The following DAPK1 variants were observed in gnomAD, a reference collection of about 807,000 sequenced individuals.
DAPK1 encodes the protein death-associated protein kinase 1.
DAPK1 carries 56 observed loss-of-function variants against 144.9 expected under a neutral mutation model. That is an observed-to-expected ratio of 0.39 (90% CI 0.31 to 0.48). DAPK1 has a LOEUF of 0.48. Among genes scored for constraint, DAPK1 ranks in the 20% least tolerant of loss-of-function variants. DAPK1 has a pLI of 0.95. For synonymous variants in DAPK1, 690 were observed against 749.0 expected, an observed-to-expected ratio of 0.92 and a Z score of 1.29; for missense variants, 1,454 against 1,875.4, an observed-to-expected ratio of 0.78 and a Z score of 4.15.
intron 13 of DAPK1, among the ~76,000 whole-genome samples, chr9:87,646,832 C>G (rs1316191279): frequency 6.6e-6 from 1 of 152,168 alleles, no homozygotes; most frequent in Non-Finnish European, 1.5e-5. Flanking sequence ...CACATTTACT[C>G]AACAATGTTA....
chr9:87,699,297 G>A (rs1825378978), intron 23 of DAPK1, among the ~76,000 whole-genome samples: 1 of 152,152 alleles, frequency 6.6e-6, no homozygotes, highest in African/African-American at 2.4e-5. Flanking sequence ...TCTTTTAGCT[G>A]TTTAGATTTC....
chr9:87,515,055 T>C (rs1270919969), intron 2 of DAPK1, among the ~76,000 whole-genome samples: 1 of 152,224 alleles, frequency 6.6e-6, no homozygotes, highest in Non-Finnish European at 1.5e-5. Context: ...TCATGAATAA[T>C]GTATTTTACT....
At position 87,707,483 on chromosome 9, in the gene DAPK1, T is replaced by C. The variant is rs538544334; in HGVS notation, c.*119T>C. ...CTTCCTGCACCCACAGCCAGGGGGA[T>C]GCCACTCCTCCCTCCGGCTTGACCT... On this transcript the variant is annotated 3_prime_UTR_variant, in exon 26 of 26. Transcript: ENST00000408954. This position sits in a 1 kb window ranked among gnomAD's most constrained non-coding sequence, Gnocchi z 4.0. 1.2e-4 allele frequency: 79 copies of C among 668,918 alleles called. 1 individual carries two copies. In the African/African-American group the frequency reaches 1.3e-3, roughly 11 times the overall value. 41.4% of individuals were successfully genotyped at this position (668,918 alleles called of 1,614,324 possible). A position where few individuals can be genotyped will look rare whatever the true frequency, so the allele number is the denominator to read the frequency against.
intron 2 of DAPK1, chr9:87,525,406 T>C (rs867486511): frequency 8.1e-6 from 13 of 1,611,368 alleles, no homozygotes; most frequent in Non-Finnish European, 1.1e-5. Context: ...TCCGGAAATA[T>C]GGCCTCAATA....
chr9:87,581,595 T>G (rs1827755467), intron 2 of DAPK1, among the ~76,000 whole-genome samples: 1 of 152,242 alleles, frequency 6.6e-6, no homozygotes, highest in African/African-American at 2.4e-5. Flanking sequence ...GTAGCTCGTT[T>G]GGGTTGTAAA....
chr9:87,706,515 C>G lies in DAPK1; in HGVS notation c.3444C>G (p.Val1148=), dbSNP rs748723486. The G allele has an allele frequency of 6.2e-7, 1 of 1,614,132 alleles. No homozygotes were observed. Among genetic ancestry groups the G allele is most frequent in the Non-Finnish European group, 8.5e-7 (1 of 1,179,950 alleles). ...TPFPCGIFHK[V]QVNLCRWIHQ... ...TCCCATGTGGCATCTTTCACAAGGT[C>G]CAGGTGAACCTGTGCCGGTGGATCC... The change falls in exon 26 of 26, where the codon GTC becomes GTG. Residue 1148 remains valine (V), a synonymous_variant. Transcript: ENST00000408954. This position sits in a 1 kb window ranked among gnomAD's most constrained non-coding sequence, Gnocchi z 9.0.
intron 15 of DAPK1, among the ~76,000 whole-genome samples, chr9:87,649,551 T>C (rs1392008443): frequency 1.3e-5 from 2 of 152,224 alleles, no homozygotes; most frequent in Non-Finnish European, 2.9e-5. Flanking sequence ...GAGGCACTTA[T>C]TAGAAAGATG....
At chr9:87,554,375 T>C (rs979380635) in intron 2 of DAPK1, 12 of 152,200 alleles carry the variant, frequency 7.9e-5, no homozygotes, top group African/African-American at 2.7e-4. Context: ...TCGAGGCATG[T>C]TTTTAGCTGA....
chr9:87,626,436 A>G (rs1217336522), intron 3 of DAPK1, among the ~76,000 whole-genome samples: 2 of 113,500 alleles, frequency 1.8e-5, no homozygotes, highest in African/African-American at 8.2e-5. Context: ...AAACAAACAA[A>G]CAAAAAACAA....
intron 10 of DAPK1, among the ~76,000 whole-genome samples, chr9:87,642,820 T>C (rs546572174): frequency 6.6e-6 from 1 of 152,340 alleles, no homozygotes; most frequent in Admixed American, 6.5e-5. Flanking sequence ...AGAGCAACCA[T>C]TTCTCTTTCT....
chr9:87,632,408 G>A (rs1013211992), intron 3 of DAPK1: 2 of 983,990 alleles, frequency 2.0e-6, no homozygotes, highest in South Asian at 4.7e-5. Flanking sequence ...GGGTATACAT[G>A]TAGGGATGAA....
chr9:87,498,402 C>T (rs1229389386), intron 1 of DAPK1: 3 of 332,990 alleles, frequency 9.0e-6, no homozygotes, highest in Non-Finnish European at 1.6e-5. Context: ...CCCTTGCTCC[C>T]CCGGGCGGCC....
intron 2 of DAPK1, among the ~76,000 whole-genome samples, chr9:87,516,287 T>A (rs990307978): frequency 6.6e-6 from 1 of 152,148 alleles, no homozygotes; most frequent in African/African-American, 2.4e-5. Flanking sequence ...CTGTTGGGGC[T>A]CAAGAGCCAG....
At chr9:87,650,733 G>T (rs1194495956) in intron 16 of DAPK1, among the ~76,000 whole-genome samples, 1 of 152,124 alleles carries the variant, frequency 6.6e-6, no homozygotes, top group Non-Finnish European at 1.5e-5. Flanking sequence ...GGGCGACTTT[G>T]CCCCCAGGGG....
At chr9:87,623,717 C>T (rs978579653) in intron 3 of DAPK1, among the ~76,000 whole-genome samples, 1 of 152,004 alleles carries the variant, frequency 6.6e-6, no homozygotes, top group Non-Finnish European at 1.5e-5. Context: ...AGGGATTGTG[C>T]CGGGGATCGA....
At chr9:87,565,834 G>A (rs956101444) in intron 2 of DAPK1, among the ~76,000 whole-genome samples, 2 of 152,096 alleles carry the variant, frequency 1.3e-5, no homozygotes, top group African/African-American at 4.8e-5. Context: ...GGCAGGCACT[G>A]TGCTAAGCTC....
intron 2 of DAPK1, among the ~76,000 whole-genome samples, chr9:87,601,169 A>G (rs982027594): frequency 4.6e-5 from 7 of 152,184 alleles, no homozygotes; most frequent in African/African-American, 1.4e-4. Context: ...GTCCAATTCA[A>G]ATTAGACCTC....
At chr9:87,591,274 C>G (rs1828123324) in intron 2 of DAPK1, among the ~76,000 whole-genome samples, 1 of 152,190 alleles carries the variant, frequency 6.6e-6, no homozygotes, top group African/African-American at 2.4e-5. Context: ...GTAGGCAGCT[C>G]CCACAGGGCC....
intron 14 of DAPK1, among the ~76,000 whole-genome samples, chr9:87,647,819 G>A (rs1007981887): frequency 6.6e-6 from 1 of 152,174 alleles, no homozygotes; most frequent in Non-Finnish European, 1.5e-5. Context: ...AGATATTAAT[G>A]AGACAATGCA....
Sources: allele counts gnomAD v4.1 joint callset (sites outside exome capture counted in the v4.1 genomes callset), GRCh38; gene constraint gnomAD v4.1.1; non-coding constraint Gnocchi (gnomAD v3.1); transcripts MANE v1.5; gene names NCBI Gene and HGNC (gene_info 2026-07-23, HGNC 2026-07-21).